Variants in PTPRM observed in about 807,000 individuals in gnomAD.
PTPRM encodes the protein receptor-type tyrosine-protein phosphatase mu.
PTPRM carries 47 observed loss-of-function variants against 186.7 expected under a neutral mutation model. The ratio of observed to expected loss-of-function variants is 0.25; its 90% confidence interval spans 0.20 to 0.32. The LOEUF (loss-of-function observed/expected upper bound fraction) is 0.32, where lower values mean the gene tolerates loss of function less well. Ranked by LOEUF, PTPRM falls within the 10% of genes least tolerant of loss-of-function variation. The probability of loss-of-function intolerance (pLI) is 1.00; values close to 1 mark genes in which losing one functional copy is unlikely to be tolerated. For missense variants in PTPRM, 1,494 were observed against 1,865.0 expected (o/e 0.80, Z 3.66); for synonymous variants, 668 against 674.9 (o/e 0.99, Z 0.16).
chr18:7,997,980 A>T (rs757929581), intron 7 of PTPRM, among the ~76,000 whole-genome samples: 5 of 152,194 alleles, frequency 3.3e-5, no homozygotes, highest in Non-Finnish European at 5.9e-5. Flanking sequence ...GGTTCCTCTA[A>T]AACTAAAAAT....
intron 23 of PTPRM, among the ~76,000 whole-genome samples, chr18:8,356,477 G>A (rs1466829558): frequency 2.6e-5 from 4 of 152,104 alleles, no homozygotes; most frequent in African/African-American, 9.7e-5. Context: ...AGACAGGCGT[G>A]GACACACTTA....
chr18:7,590,158 A>G (rs1418573699), intron 1 of PTPRM, among the ~76,000 whole-genome samples: 3 of 152,240 alleles, frequency 2.0e-5, no homozygotes, highest in Admixed American at 2.0e-4. Flanking sequence ...GCACTACCGA[A>G]GAAAATGACG....
chr18:8,298,129 A>G (rs886122200), intron 20 of PTPRM, among the ~76,000 whole-genome samples: 2 of 152,180 alleles, frequency 1.3e-5, no homozygotes, highest in East Asian at 3.8e-4. Context: ...CCTGGTACAC[A>G]GTGTTCTAGA....
chr18:7,749,330 A>T (rs2041098658), intron 1 of PTPRM: 1 of 152,066 alleles, frequency 6.6e-6, no homozygotes, highest in East Asian at 1.9e-4. Context: ...GTTAAAAAAA[A>T]AAACAACAAA....
intron 5 of PTPRM, among the ~76,000 whole-genome samples, chr18:7,946,601 T>C (rs1055283068): frequency 6.6e-6 from 1 of 152,158 alleles, no homozygotes; most frequent in Non-Finnish European, 1.5e-5. Flanking sequence ...GAGGAACCTT[T>C]CTCCTGTTGT....
intron 7 of PTPRM, among the ~76,000 whole-genome samples, chr18:8,056,561 G>C (rs1213282795): frequency 1.3e-5 from 2 of 151,952 alleles, no homozygotes; most frequent in Non-Finnish European, 2.9e-5. Flanking sequence ...GGTGGAGGTT[G>C]TGGTTAGCTG....
At chr18:8,333,563 T>A (rs746824291) in intron 22 of PTPRM, among the ~76,000 whole-genome samples, 6 of 152,382 alleles carry the variant, frequency 3.9e-5, no homozygotes, top group Non-Finnish European at 8.8e-5. Context: ...GTTCTCTAAA[T>A]GTTGAGTAAC....
At chr18:7,744,525 A>T (rs2040946092) in intron 1 of PTPRM, among the ~76,000 whole-genome samples, 1 of 152,150 alleles carries the variant, frequency 6.6e-6, no homozygotes. Context: ...AGAATTTAAG[A>T]TCTATATGAT....
intron 19 of PTPRM, among the ~76,000 whole-genome samples, chr18:8,290,124 C>T (rs912838713): frequency 2.0e-5 from 3 of 152,048 alleles, no homozygotes; most frequent in African/African-American, 4.8e-5. Context: ...TAATAAAATG[C>T]GATGCTTCGA....
intron 9 of PTPRM, among the ~76,000 whole-genome samples, chr18:8,080,297 AC>A (rs1188802654): frequency 1.3e-5 from 2 of 152,170 alleles, no homozygotes. Context: ...ATTGTATCCT[AC>A]TAACTTTACA....
chr18:7,745,634 T>C (rs947673399), intron 1 of PTPRM, among the ~76,000 whole-genome samples: 1 of 152,144 alleles, frequency 6.6e-6, no homozygotes, highest in Admixed American at 6.5e-5. Flanking sequence ...CCAGTGCCCC[T>C]AGCATATGTA....
At chr18:8,203,717 G>A (rs995255320) in intron 14 of PTPRM, among the ~76,000 whole-genome samples, 1 of 152,110 alleles carries the variant, frequency 6.6e-6, no homozygotes, top group Non-Finnish European at 1.5e-5. Context: ...GTGTATATAT[G>A]TATGTATGTC....
In PTPRM at chr18:7,774,265, C is replaced by T; in HGVS notation, c.190C>T (p.Pro64Ser). The T allele has an allele frequency of 6.2e-7, 1 of 1,613,728 alleles. No individual in the cohort carries two copies. Among genetic ancestry groups the T allele is most frequent in the Non-Finnish European group, 8.5e-7 (1 of 1,179,844 alleles). The change falls in exon 2 of 33, where the codon CCA becomes TCA. Residue 64 changes from proline to serine, a missense_variant. Coordinates refer to ENST00000580170, the MANE Select transcript of PTPRM (RefSeq NM_001105244.2). ...LTKPTSDPWM[P>S]SGSFMLVNAS... is the part of the protein sequence containing the mutation. ...TAAACCGACTTCTGATCCATGGATG[C>T]CATCAGGTTTGCTTTTAGTTTTAAG...
chr18:8,297,182 A>G (rs573684490), intron 20 of PTPRM, among the ~76,000 whole-genome samples: 1 of 152,344 alleles, frequency 6.6e-6, no homozygotes, highest in South Asian at 2.1e-4. Context: ...AGGCACTGAC[A>G]GGCCCGCTGT....
chr18:7,579,188 A>G (rs2036780088), intron 1 of PTPRM, among the ~76,000 whole-genome samples: 1 of 152,238 alleles, frequency 6.6e-6, no homozygotes, highest in African/African-American at 2.4e-5. Flanking sequence ...AAAAGCCAGC[A>G]CTGCTCGGTG....
At chr18:7,635,221 A>G (rs185041820) in intron 1 of PTPRM, among the ~76,000 whole-genome samples, 88 of 152,332 alleles carry the variant, frequency 5.8e-4, no homozygotes, top group African/African-American at 2.0e-3. Context: ...AAAACAGAAG[A>G]AAATGGACTT....
chr18:7,960,346 G>A (rs1265287863), intron 7 of PTPRM, among the ~76,000 whole-genome samples: 3 of 151,576 alleles, frequency 2.0e-5, no homozygotes, highest in South Asian at 4.2e-4. Flanking sequence ...TTGAGCATCC[G>A]TATTTGCCGG....
chr18:7,578,055 TC>T (rs993545241), intron 1 of PTPRM, among the ~76,000 whole-genome samples: 12 of 152,234 alleles, frequency 7.9e-5, no homozygotes, highest in Admixed American at 6.5e-4. Context: ...GATCAGGTCT[TC>T]CTGGCATTGA....
At chr18:7,984,602 T>TATACACACAC (rs1214502563) in intron 7 of PTPRM, among the ~76,000 whole-genome samples, 6 of 87,192 alleles carry the variant, frequency 6.9e-5, no homozygotes, top group African/African-American at 2.9e-4. Flanking sequence ...TATATATATA[T>TATACACACAC]ACACACACAC....
Sources: gnomAD v4.1 joint callset for allele counts (sites outside exome capture counted in the v4.1 genomes callset) on GRCh38, gnomAD v4.1.1 for gene constraint, MANE v1.5 for transcripts, NCBI Gene and HGNC (gene_info 2026-07-23, HGNC 2026-07-21) for gene names.